The following ETV6 variants were observed in gnomAD, a reference collection of about 807,000 sequenced individuals.
The protein encoded by ETV6 is transcription factor ETV6.
A neutral mutation model predicts 51.1 loss-of-function variants in ETV6; 16 were observed. The ratio of observed to expected loss-of-function variants is 0.31; its 90% CI spans 0.21 to 0.48. The LOEUF is 0.48. Among genes scored for constraint, ETV6 ranks in the 20% least tolerant of loss-of-function variants. The pLI is 0.99. For synonymous variants in ETV6, 240 were observed against 224.1 expected (o/e 1.07, Z -0.64); for missense variants, 458 against 594.8 (o/e 0.77, Z 2.39).
At chr12:11,835,327 A>T (rs909989562) in intron 2 of ETV6, among the ~76,000 whole-genome samples, 1 of 152,254 alleles carries the variant, frequency 6.6e-6, no homozygotes, top group Admixed American at 6.5e-5. Flanking sequence ...ATAGTATAAT[A>T]TAGGTGCAGA....
chr12:11,816,039 G>A (rs1945988693), intron 2 of ETV6, among the ~76,000 whole-genome samples: 1 of 152,106 alleles, frequency 6.6e-6, no homozygotes, highest in African/African-American at 2.4e-5. Context: ...GGTTCACCAG[G>A]CAGAAAACAG....
At position 11,893,841 on chromosome 12, in the gene ETV6, T is replaced by TATATACAC. The variant is rs1491290450; in HGVS notation, c.*2796_*2797insTATACACA. 14 of 57,304 alleles carry TATATACAC rather than the reference T, an allele frequency of 2.4e-4. No individual in the cohort carries two copies. The highest frequency in any genetic ancestry group is 8.3e-4 in the African/African-American group (13 of 15,680). 3.5% of individuals were successfully genotyped at this position (57,304 alleles called of 1,614,324 possible). ...ATATATATATATATATATATATATA[T>TATATACAC]ACACACACACACACATACACAAATA... On this transcript the variant is annotated 3_prime_UTR_variant, in exon 8 of 8. Coordinates refer to ENST00000396373, the MANE Select transcript of ETV6 (RefSeq NM_001987.5).
In ETV6 at chr12:11,824,821, AG is replaced by A. The variant is rs1162579558; in HGVS notation, c.164-14317del. Among the ~76,000 whole-genome samples the A allele has an allele frequency of 5.3e-5, 8 of 152,340 alleles. No individual in the cohort carries two copies. In the South Asian group the frequency reaches 1.7e-3, roughly 32 times the overall value. On this transcript the variant is annotated intron_variant, in intron 2 of 7. Transcript: ENST00000396373. Reference sequence around the variant, plus strand: ...ATGGGGCAGCAGAGACTTAGATGCAAGGTCTCCCAAAGGAAACAGAACCAGG... The same window carrying A: ...ATGGGGCAGCAGAGACTTAGATGCAAGTCTCCCAAAGGAAACAGAACCAGG...
In ETV6 at chr12:11,884,656, G is replaced by A. The variant is rs146047579; in HGVS notation, c.1152+69G>A. The A allele has an allele frequency of 1.2e-4, 183 of 1,581,422 alleles. 1 individual carries two copies. The African/African-American group carries it at 1.8e-3, about 16-fold the overall frequency. ...TGAAGTCCTTATCCCTGGATTGGAG[G>A]ATAATCGTCTGTCTTCTGCTTTTTA... On this transcript the variant is annotated intron_variant, in intron 6 of 7. Coordinates refer to ENST00000396373, the MANE Select transcript of ETV6 (RefSeq NM_001987.5).
At chr12:11,708,302 A>T (rs997781973) in intron 1 of ETV6, among the ~76,000 whole-genome samples, 11 of 151,842 alleles carry the variant, frequency 7.2e-5, no homozygotes, top group African/African-American at 2.7e-4. Flanking sequence ...GGAATTTGAG[A>T]ACAGATAAAG....
intron 7 of ETV6, among the ~76,000 whole-genome samples, chr12:11,887,952 T>G (rs1044569974): frequency 6.6e-6 from 1 of 152,148 alleles, no homozygotes. Context: ...GCTAGAAGCC[T>G]GGGAACTACA....
intron 1 of ETV6, among the ~76,000 whole-genome samples, chr12:11,669,849 G>A (rs1185810127): frequency 6.6e-6 from 1 of 152,156 alleles, no homozygotes; most frequent in Non-Finnish European, 1.5e-5. Context: ...TGTCTGGCCT[G>A]TAAACCTTTA....
At chr12:11,657,338 T>G (rs1362543798) in intron 1 of ETV6, among the ~76,000 whole-genome samples, 3 of 152,078 alleles carry the variant, frequency 2.0e-5, no homozygotes, top group Non-Finnish European at 4.4e-5. Context: ...AGAGGAAAAA[T>G]GAGAAAAAAC....
chr12:11,785,098 T>C (rs568417746), intron 2 of ETV6, among the ~76,000 whole-genome samples: 12 of 152,158 alleles, frequency 7.9e-5, no homozygotes, highest in South Asian at 4.1e-4. Context: ...TTCTAGCTAT[T>C]GTGTAGAGGA....
At position 11,859,128 on chromosome 12, in the gene ETV6, T is replaced by C. The variant is rs1452167101; in HGVS notation, c.463+5567T>C. Among the ~76,000 whole-genome samples, 113 of 16,598 alleles carry C rather than the reference T, an allele frequency of 6.8e-3. 41 individuals carry two copies. The highest frequency in any genetic ancestry group is 0.029 in the Middle Eastern group (2 of 70). The allele number at this position is 16,598 out of a possible 152,430, so 10.9% of individuals were successfully genotyped here. On this transcript the variant is annotated intron_variant, in intron 4 of 7. Transcript: ENST00000396373. ...GAGGTATATGAATCTGGTTTTTTTTTTTTTTTTTTTTTTTTTTTTTTTTTT... is the reference window on the plus strand; with the variant it reads ...GAGGTATATGAATCTGGTTTTTTTTCTTTTTTTTTTTTTTTTTTTTTTTTT...
intron 1 of ETV6, among the ~76,000 whole-genome samples, chr12:11,737,025 CT>C (rs924759860): frequency 1.3e-5 from 2 of 152,174 alleles, no homozygotes; most frequent in East Asian, 1.9e-4. Context: ...ACCTTCCCCC[CT>C]GGGTGTGTGG....
rs576172069 is a variant in ETV6, at chr12:11,881,162, T to C, written c.1010-3283T>C. Among the ~76,000 whole-genome samples the C allele has an allele frequency of 4.6e-5, 7 of 152,236 alleles. No individual in the cohort carries two copies. The South Asian group carries it at 1.5e-3, about 32-fold the overall frequency. ...TATGTTGCCTGGGCTGGTCTTGAAC[T>C]CCCGGACTTTCAAGCAAGTCTACTG... On this transcript the variant is annotated intron_variant, in intron 5 of 7. Coordinates refer to ENST00000396373, the MANE Select transcript of ETV6 (RefSeq NM_001987.5).
chr12:11,739,178 C>T (rs1307602713), intron 1 of ETV6, among the ~76,000 whole-genome samples: 1 of 152,122 alleles, frequency 6.6e-6, no homozygotes, highest in African/African-American at 2.4e-5. Flanking sequence ...GGACAGAGGG[C>T]AGGAAAACAC....
chr12:11,671,711 C>T (rs1864318533), intron 1 of ETV6, among the ~76,000 whole-genome samples: 1 of 152,122 alleles, frequency 6.6e-6, no homozygotes, highest in African/African-American at 2.4e-5. Context: ...GGTTAAGTGA[C>T]CTACTGAAGG....
chr12:11,800,743 C>G (rs1302673971), intron 2 of ETV6, among the ~76,000 whole-genome samples: 2 of 152,008 alleles, frequency 1.3e-5, no homozygotes, highest in Admixed American at 1.3e-4. Flanking sequence ...GAAGTTACCC[C>G]CCCAGAAAGG....
chr12:11,733,636 A>G (rs1202379569), intron 1 of ETV6, among the ~76,000 whole-genome samples: 1 of 152,090 alleles, frequency 6.6e-6, no homozygotes, highest in Non-Finnish European at 1.5e-5. Flanking sequence ...ACACTAGGCC[A>G]TGCTTCCCCG....
chr12:11,800,994 T>C (rs1422898324), intron 2 of ETV6, among the ~76,000 whole-genome samples: 1 of 152,238 alleles, frequency 6.6e-6, no homozygotes, highest in Non-Finnish European at 1.5e-5. Context: ...CTAGGTTTAG[T>C]CCGCCCTCCA....
chr12:11,816,902 C>T (rs1946001952), intron 2 of ETV6, among the ~76,000 whole-genome samples: 1 of 152,196 alleles, frequency 6.6e-6, no homozygotes, highest in Non-Finnish European at 1.5e-5. Context: ...TCCATCCTTC[C>T]ATTAGACTCA....
chr12:11,813,001 G>A lies in ETV6; in HGVS notation c.164-26139G>A, dbSNP rs539378450. Among the ~76,000 whole-genome samples, 5 of 152,312 alleles carry A rather than the reference G, an allele frequency of 3.3e-5. No individual in the cohort carries two copies. The South Asian group carries it at 1.0e-3, about 32-fold the overall frequency. ...CTGGCTGCGGTGACCCGGTGCTGGG[G>A]AGGGAGTGCATGGGGTAGGCTCCTG... On this transcript the variant is annotated intron_variant, in intron 2 of 7. Transcript: ENST00000396373.
Sources: allele counts gnomAD v4.1 joint callset (sites outside exome capture counted in the v4.1 genomes callset), GRCh38; gene constraint gnomAD v4.1.1; transcripts MANE v1.5; gene names NCBI Gene and HGNC (gene_info 2026-07-23, HGNC 2026-07-21).